Variants in CFAP46 observed in about 807,000 individuals in gnomAD.
CFAP46 encodes cilia- and flagella-associated protein 46.
CFAP46 carries 245 observed loss-of-function variants against 325.7 expected under a neutral mutation model. The ratio of observed to expected loss-of-function variants is 0.75; its 90% confidence interval spans 0.68 to 0.84. The LOEUF is 0.84. Ranked by LOEUF, CFAP46 falls within the 40% of genes least tolerant of loss-of-function variation. The probability of loss-of-function intolerance (pLI) is 0.00; values close to 1 mark genes in which losing one functional copy is unlikely to be tolerated. For missense variants in CFAP46, 3,346 were observed against 3,543.0 expected, an observed-to-expected ratio of 0.94 and a Z score of 1.41; for synonymous variants, 1,523 against 1,495.9, an observed-to-expected ratio of 1.02 and a Z score of -0.42.
chr10:132,838,400 C>T (rs1054010848), intron 44 of CFAP46, among the ~76,000 whole-genome samples: 3 of 152,278 alleles, frequency 2.0e-5, no homozygotes, highest in Non-Finnish European at 2.9e-5. Context: ...GTGAAAAGCT[C>T]GATGGATTTT....
chr10:132,857,710 G>C lies in CFAP46; in HGVS notation c.5454C>G (p.Ala1818=), dbSNP rs763130151. The C allele has an allele frequency of 2.5e-6, 4 of 1,612,474 alleles. No homozygotes were observed. Among genetic ancestry groups the C allele is most frequent in the Non-Finnish European group, 1.7e-6 (2 of 1,179,440 alleles). The part of the protein sequence containing the change: ...YLEAYGLAQG[A]VAEEEGRLHS... ...GAAGCCTCCCTTCTTCCTCAGCTAC[G>C]GCACCCTGGGCCAGGCCATACGCTT... is the stretch of plus-strand genomic sequence containing the variant. The change falls in exon 39 of 58, where the codon GCC becomes GCG. Residue 1818 remains alanine, a synonymous_variant. Coordinates refer to ENST00000368586, the MANE Select transcript of CFAP46 (RefSeq NM_001200049.3).
chr10:132,838,457 C>T (rs574831593), intron 44 of CFAP46, among the ~76,000 whole-genome samples: 6 of 152,404 alleles, frequency 3.9e-5, no homozygotes, highest in East Asian at 1.9e-4. Context: ...GGGACATTGC[C>T]GGCCACTGGC....
chr10:132,925,743 G>A (rs912986296), intron 10 of CFAP46, among the ~76,000 whole-genome samples: 7 of 152,276 alleles, frequency 4.6e-5, no homozygotes, highest in African/African-American at 1.2e-4. Flanking sequence ...GGCACCCGCC[G>A]GGCTGTGACA....
rs1363500439 is a variant in CFAP46 at position 132,889,748 on chromosome 10, C to T, written c.3304+2585G>A. 6.6e-6 allele frequency among the ~76,000 whole-genome samples: 1 copy of T among 152,298 alleles called. No homozygotes were observed. Among genetic ancestry groups the T allele is most frequent in the East Asian group, 1.9e-4 (1 of 5,166 alleles). On this transcript the variant is annotated intron_variant, in intron 25 of 57. Transcript: ENST00000368586. This position sits in a 1 kb window ranked among gnomAD's most constrained non-coding sequence, Gnocchi z 6.0. ...CCTCCTCCCCGGAGGCCGTCAGCTC[C>T]ATGGTGCCTCCGGGTGGGTGAGGGC... is the stretch of plus-strand genomic sequence containing the variant.
At chr10:132,830,078 A>C (rs1233357531) in intron 50 of CFAP46, among the ~76,000 whole-genome samples, 2 of 151,722 alleles carry the variant, frequency 1.3e-5, no homozygotes, top group Non-Finnish European at 2.9e-5. Flanking sequence ...CTCCTCTTTT[A>C]ATTGCTGTGG....
At chr10:132,936,176 C>T (rs1850001085) in intron 7 of CFAP46, among the ~76,000 whole-genome samples, 1 of 123,982 alleles carries the variant, frequency 8.1e-6, no homozygotes. Flanking sequence ...CTGTGATCTC[C>T]TCACTCCCCT....
chr10:132,865,106 G>A (rs1009706325), intron 35 of CFAP46, among the ~76,000 whole-genome samples: 1 of 152,220 alleles, frequency 6.6e-6, no homozygotes, highest in African/African-American at 2.4e-5. Flanking sequence ...ACATCGACAG[G>A]CTGTCTGGTT....
At chr10:132,935,401 G>T (rs112632842) in intron 7 of CFAP46, among the ~76,000 whole-genome samples, 16 of 121,894 alleles carry the variant, frequency 1.3e-4, no homozygotes, top group South Asian at 2.7e-4. Context: ...ACTCCCCTCA[G>T]CACCCAAACA....
At chr10:132,927,633 C>T (rs1849832320) in intron 9 of CFAP46, among the ~76,000 whole-genome samples, 1 of 152,218 alleles carries the variant, frequency 6.6e-6, no homozygotes, top group South Asian at 2.1e-4. Context: ...TCAGAAAAAG[C>T]GTTCCGTGCT....
At chr10:132,821,677 T>C (rs61720771) in intron 50 of CFAP46, among the ~76,000 whole-genome samples, 1,322 of 126,402 alleles carry the variant, frequency 0.01, 8 homozygotes, top group South Asian at 0.028. Flanking sequence ...GTGCTGTGTG[T>C]GCTGATGTGT....
Position 132,942,041 on chromosome 10 carries a change from A to C in CFAP46, c.113T>G (p.Phe38Cys). The part of the protein sequence containing the change: ...IKSANLGKSE[F>C]DPSESFSPDL... ...TGGGCTGAAGCTCTCTGAGGGGTCA[A>C]ACTCCGATTTCCCTAGGTTGGCCGA... is the stretch of plus-strand genomic sequence containing the variant. Residue 38 changes from phenylalanine to cysteine, a missense_variant, in exon 2 of 58, where the codon TTT becomes TGT. Physicochemically the swap from Phe to Cys is radical, Grantham distance 205. Transcript: ENST00000368586. The C allele has an allele frequency of 6.4e-7, 1 of 1,551,776 alleles. No homozygotes were observed. Among genetic ancestry groups the C allele is most frequent in the Non-Finnish European group, 8.7e-7 (1 of 1,146,966 alleles).
chr10:132,901,992 A>T (rs1206052842), intron 22 of CFAP46, among the ~76,000 whole-genome samples: 1 of 152,142 alleles, frequency 6.6e-6, no homozygotes, highest in African/African-American at 2.4e-5. Flanking sequence ...ATCCGTCCCC[A>T]TGCTAACTCC....
rs1848076601 is a variant in CFAP46, at chr10:132,827,445, C to G, written c.7117+5913G>C. On this transcript the variant is annotated intron_variant, in intron 50 of 57. Coordinates refer to ENST00000368586, the MANE Select transcript of CFAP46 (RefSeq NM_001200049.3). This position sits in a 1 kb window ranked among gnomAD's most constrained non-coding sequence, Gnocchi z 5.7. The stretch of plus-strand genomic sequence containing the variant: ...CAAGGATCCACTTCGCACATGTGCC[C>G]TTCTGCAAACTTCCGTGACACCGAT... Among the ~76,000 whole-genome samples, 1 of 152,044 alleles carries G rather than the reference C, an allele frequency of 6.6e-6. No individual in the cohort carries two copies. Among genetic ancestry groups the G allele is most frequent in the East Asian group, 1.9e-4 (1 of 5,168 alleles).
rs1477757524 is a variant in CFAP46 at position 132,846,229 on chromosome 10, T to C, written c.6268-2A>G. 6.2e-7 allele frequency: 1 copy of C among 1,611,036 alleles called. No individual in the cohort carries two copies. Among genetic ancestry groups the C allele is most frequent in the Admixed American group, 1.7e-5 (1 of 59,846 alleles). ...CATCGTCTCTGAGGCCGAGCAGCTC[T>C]GAAAGGGAGCAGGGGAGGTGTACCA... On this transcript the variant is annotated splice_acceptor_variant, in intron 43 of 57. Coordinates refer to ENST00000368586, the MANE Select transcript of CFAP46 (RefSeq NM_001200049.3). LOFTEE classifies it high-confidence loss of function.
chr10:132,878,002 T>C lies in CFAP46; in HGVS notation c.4091A>G (p.Glu1364Gly), dbSNP rs1341477399. The change falls in exon 30 of 58, where the codon GAG (glutamate) becomes GGG (glycine). Residue 1364 changes from glutamate to glycine, a missense_variant. Physicochemically the swap from Glu to Gly is moderately conservative, Grantham distance 98 (BLOSUM62 -2). Coordinates refer to ENST00000368586, the MANE Select transcript of CFAP46 (RefSeq NM_001200049.3). ...CTCTTTACTCCTCTCATTCTCCTTC[T>C]CTTTTTTAGGCAATAACAGATGTGA... ...TSSHLLLPKK[E>G]KENERSKEKE... 2.6e-6 allele frequency: 4 copies of C among 1,550,586 alleles called. No homozygotes were observed. The highest frequency in any genetic ancestry group is 3.5e-6 in the Non-Finnish European group (4 of 1,147,036).
At chr10:132,840,304 G>A (rs1848328691) in intron 44 of CFAP46, among the ~76,000 whole-genome samples, 1 of 152,158 alleles carries the variant, frequency 6.6e-6, no homozygotes, top group Non-Finnish European at 1.5e-5. Context: ...TCTCAGGGAT[G>A]GGTCTTTTTC....
At chr10:132,918,632 G>A (rs1009954800) in intron 15 of CFAP46, 112 bp from the exon 16 acceptor site, 2 of 1,356,716 alleles carry the variant, frequency 1.5e-6, no homozygotes, top group East Asian at 5.3e-5. Flanking sequence ...GCTCCGTGTA[G>A]GGTCCGCCAA....
chr10:132,935,937 C>T (rs996326020), intron 7 of CFAP46, among the ~76,000 whole-genome samples: 6 of 125,852 alleles, frequency 4.8e-5, no homozygotes, highest in Admixed American at 1.5e-4. Flanking sequence ...TCACTCCCCT[C>T]GGCACCCAAA....
intron 26 of CFAP46, among the ~76,000 whole-genome samples, 187 bp downstream of exon 26, chr10:132,885,634 G>A (rs1035626310): frequency 6.7e-6 from 1 of 149,612 alleles, no homozygotes; most frequent in African/African-American, 2.5e-5. Context: ...CACAGGTGAT[G>A]GGGGGAGCAC....
Sources: gnomAD v4.1 joint callset for allele counts (sites outside exome capture counted in the v4.1 genomes callset) on GRCh38, gnomAD v4.1.1 for gene constraint, Gnocchi (gnomAD v3.1) non-coding constraint, MANE v1.5 for transcripts, NCBI Gene and HGNC (gene_info 2026-07-23, HGNC 2026-07-21) for gene names.